Variants in ERI1 observed in about 807,000 individuals in gnomAD.
The protein encoded by ERI1 is exoribonuclease 1, also known as 3'-5' exoribonuclease 1.
In ERI1, 39 loss-of-function variants were observed where a neutral mutation model predicts 39.7. The ratio of observed to expected loss-of-function variants is 0.98; its 90% CI spans 0.76 to 1.28. The LOEUF is 1.28. Ranked by LOEUF, ERI1 falls within the 50% of genes most tolerant of loss-of-function variation. The probability of loss-of-function intolerance (pLI) is 0.00; values close to 1 mark genes in which losing one functional copy is unlikely to be tolerated. For synonymous variants in ERI1, 204 were observed against 149.6 expected, an observed-to-expected ratio of 1.36 and a Z score of -2.65; for missense variants, 581 against 416.9, an observed-to-expected ratio of 1.39 and a Z score of -3.43.
At chr8:9,060,397 C>T (rs1373941386) in intron 3 of ERI1, among the ~76,000 whole-genome samples, 3 of 151,834 alleles carry the variant, frequency 2.0e-5, no homozygotes, top group East Asian at 1.9e-4. Flanking sequence ...ATTTGCCAAT[C>T]CTGGTGGGGG....
chr8:9,027,577 C>A (rs1258887226), intron 6 of ERI1, among the ~76,000 whole-genome samples: 1 of 152,058 alleles, frequency 6.6e-6, no homozygotes, highest in Non-Finnish European at 1.5e-5. Flanking sequence ...AAGCCTTTTC[C>A]ATATGTTTTA....
At chr8:9,043,130 C>T (rs752800057) in intron 3 of ERI1, among the ~76,000 whole-genome samples, 50 of 152,176 alleles carry the variant, frequency 3.3e-4, no homozygotes, top group Non-Finnish European at 5.6e-4. Context: ...GTACATAATT[C>T]GGATTTATTT....
chr8:9,034,642 C>G (rs1797783138), downstream of ERI1, among the ~76,000 whole-genome samples: 1 of 151,982 alleles, frequency 6.6e-6, no homozygotes, highest in African/African-American at 2.4e-5. Context: ...CTCTCCAGAC[C>G]TACCTATTCC....
At chr8:9,060,162 C>G (rs1332564769) in intron 3 of ERI1, among the ~76,000 whole-genome samples, 1 of 152,044 alleles carries the variant, frequency 6.6e-6, no homozygotes, top group Non-Finnish European at 1.5e-5. Flanking sequence ...ATACCAAGAG[C>G]CTGAGAAACT....
At chr8:9,005,289 C>G (rs983699471) in intron 1 of ERI1, among the ~76,000 whole-genome samples, 1 of 151,966 alleles carries the variant, frequency 6.6e-6, no homozygotes, top group Non-Finnish European at 1.5e-5. Context: ...TCAAAATGTT[C>G]TCTATACAGA....
chr8:9,093,524 A>G (rs1799778964), intron 3 of ERI1, among the ~76,000 whole-genome samples: 1 of 136,282 alleles, frequency 7.3e-6, no homozygotes. Context: ...AAAAAAAAAG[A>G]AGAAGAAGAA....
intron 3 of ERI1, among the ~76,000 whole-genome samples, chr8:9,046,535 T>TA (rs1798180157): frequency 6.6e-6 from 1 of 152,198 alleles, no homozygotes; most frequent in Non-Finnish European, 1.5e-5. Flanking sequence ...TACTTGCAAT[T>TA]AAAGAGCCCA....
rs1008107027 is a variant in ERI1 at position 9,063,898 on chromosome 8, T to C, written n.299+43434T>C. ...GTTTTAAGTTCTTGAGAACACAGGC[T>C]AAGGGAGAAGAAGGGGGAATGGAGG... On this transcript the variant is annotated intron_variant and non_coding_transcript_variant, in intron 3 of 3. Coordinates refer to the ERI1 transcript ENST00000518663. 2.0e-4 allele frequency among the ~76,000 whole-genome samples: 30 copies of C among 151,922 alleles called. 1 individual carries two copies. The highest frequency in any genetic ancestry group is 1.9e-3 in the Admixed American group (29 of 15,260).
chr8:9,005,917 C>T (rs1291086315), intron 1 of ERI1, among the ~76,000 whole-genome samples: 2 of 152,164 alleles, frequency 1.3e-5, no homozygotes, highest in Non-Finnish European at 2.9e-5. Flanking sequence ...AACCATACAT[C>T]CACTTAATTG....
chr8:9,003,304 T>G (rs902597849), intron 1 of ERI1, 133 bp downstream of exon 1: 1 of 475,874 alleles, frequency 2.1e-6, no homozygotes, highest in Admixed American at 4.4e-5. Context: ...TCTTCCTCGG[T>G]GCCCAGCTCC....
Position 9,032,664 on chromosome 8 carries a change from G to A in ERI1, c.*2630G>A, listed in dbSNP as rs1001974776. 9 of 152,196 alleles carry A rather than the reference G, an allele frequency of 5.9e-5. No homozygotes were observed. Among genetic ancestry groups the A allele is most frequent in the African/African-American group, 2.2e-4 (9 of 41,450 alleles). The allele number at this position is 152,196 out of a possible 1,614,324, so 9.4% of individuals were successfully genotyped here. The stretch of plus-strand genomic sequence containing the variant: ...TTAAAATGGTAATTTTTAAAAAGAT[G>A]TGACCAGTTGACTTTTAGTATATCA... On this transcript the variant is annotated 3_prime_UTR_variant, in exon 7 of 7. Coordinates refer to ENST00000250263, the MANE Select transcript of ERI1 (RefSeq NM_153332.4).
At chr8:9,025,289 C>T (rs544564828) in intron 6 of ERI1, among the ~76,000 whole-genome samples, 9 of 152,258 alleles carry the variant, frequency 5.9e-5, no homozygotes, top group East Asian at 1.9e-4. Context: ...AAAAGGTGGA[C>T]ATTTTAAGGT....
At chr8:9,069,755 TA>T (rs147769689) in intron 3 of ERI1, among the ~76,000 whole-genome samples, 3,914 of 151,958 alleles carry the variant, frequency 0.026, 131 homozygotes, top group East Asian at 0.18. Flanking sequence ...AATAGGTAAA[TA>T]AAAAAAGTAA....
intron 3 of ERI1, among the ~76,000 whole-genome samples, chr8:9,087,464 T>G (rs1189048401): frequency 1.4e-5 from 2 of 139,748 alleles, no homozygotes; most frequent in Non-Finnish European, 3.0e-5. Flanking sequence ...GGTTTCAACA[T>G]GTTGGCCAGG....
intron 3 of ERI1, among the ~76,000 whole-genome samples, chr8:9,067,721 C>A (rs1370191482): frequency 2.0e-5 from 3 of 151,414 alleles, no homozygotes; most frequent in African/African-American, 7.3e-5. Context: ...TGATCCAGTC[C>A]AATTTCCTCA....
At chr8:9,092,157 A>G (rs1286492655) in intron 3 of ERI1, among the ~76,000 whole-genome samples, 2 of 152,140 alleles carry the variant, frequency 1.3e-5, no homozygotes, top group Non-Finnish European at 2.9e-5. Flanking sequence ...GGGTTTCGCC[A>G]TGTTGCCCAG....
At chr8:9,025,572 G>T (rs140224380) in intron 6 of ERI1, among the ~76,000 whole-genome samples, 1 of 152,210 alleles carries the variant, frequency 6.6e-6, no homozygotes, top group Non-Finnish European at 1.5e-5. Flanking sequence ...GAAGCAAGAG[G>T]TTGGTTTGTT....
intron 3 of ERI1, among the ~76,000 whole-genome samples, chr8:9,059,001 T>C (rs1297591734): frequency 6.6e-6 from 1 of 151,678 alleles, no homozygotes; most frequent in Non-Finnish European, 1.5e-5. Flanking sequence ...GTGGGCTGAG[T>C]CCAAAAAGAG....
At position 9,002,947 on chromosome 8, in the gene ERI1, C is replaced by T. The variant is rs1023405610; in HGVS notation, c.-117C>T. 5 of 744,628 alleles carry T rather than the reference C, an allele frequency of 6.7e-6. No homozygotes were observed. Among genetic ancestry groups the T allele is most frequent in the African/African-American group, 3.6e-5 (2 of 55,258 alleles). The allele number at this position is 744,628 out of a possible 1,614,324, so 46.1% of individuals were successfully genotyped here. The stretch of plus-strand genomic sequence containing the variant: ...CCGCTGGAGTTTGTGTGGCCGCCGC[C>T]GCGGGAACGCGAGCCCGGTAATTTT... On this transcript the variant is annotated 5_prime_UTR_variant, in exon 1 of 7. Coordinates refer to ENST00000250263, the MANE Select transcript of ERI1 (RefSeq NM_153332.4).
Sources: gnomAD v4.1 joint callset for allele counts (sites outside exome capture counted in the v4.1 genomes callset) on GRCh38, gnomAD v4.1.1 for gene constraint, MANE v1.5 for transcripts, NCBI Gene and HGNC (gene_info 2026-07-23, HGNC 2026-07-21) for gene names.